Variants in TENM1 observed in about 807,000 individuals in gnomAD.
TENM1 encodes the protein teneurin-1.
A neutral mutation model predicts 174.8 loss-of-function variants in TENM1; 35 were observed. The ratio of observed to expected loss-of-function variants is 0.20; its 90% CI spans 0.15 to 0.27. The LOEUF is 0.27. TENM1 is among the 10% of genes least tolerant of loss of function. The pLI is 1.00. For synonymous variants in TENM1, 781 were observed against 798.7 expected, an observed-to-expected ratio of 0.98 and a Z score of 0.37; for missense variants, 1,633 against 2,130.1, an observed-to-expected ratio of 0.77 and a Z score of 4.59.
the TENM1 span, among the ~76,000 whole-genome samples, chrX:125,147,155 T>G: frequency 1.0e-5 from 1 of 99,753 alleles, no homozygotes; most frequent in Non-Finnish European, 2.2e-5. Context: ...ATATATCACA[T>G]ATATGTGTGT....
chrX:124,726,115 A>T (rs1354855465), intron 4 of TENM1, among the ~76,000 whole-genome samples: 2 of 112,627 alleles, frequency 1.8e-5, no homozygotes, highest in African/African-American at 6.4e-5. Context: ...ACTCATTTTT[A>T]AAAATTCCCT....
At chrX:125,175,758 G>A in the TENM1 span, among the ~76,000 whole-genome samples, 1 of 110,377 alleles carries the variant, frequency 9.1e-6, no homozygotes, top group Non-Finnish European at 1.9e-5. Context: ...AAGGGGAGGC[G>A]AAAAAGGGGT....
In TENM1 at chrX:124,538,670, T is replaced by C. The variant is rs150320291; in HGVS notation, c.2651+8204A>G. On this transcript the variant is annotated intron_variant, in intron 15 of 31. Transcript: ENST00000422452. ...TAGAGGTCTTTAACAAATAGATTCATGAAAAAGCTAAACGCAAGGCATATG... is the reference window on the plus strand; with the variant it reads ...TAGAGGTCTTTAACAAATAGATTCACGAAAAAGCTAAACGCAAGGCATATG... Among the ~76,000 whole-genome samples, 338 of 111,624 alleles carry C rather than the reference T, an allele frequency of 3.0e-3. 1 individual carries two copies. Among genetic ancestry groups the C allele is most frequent in the African/African-American group, 0.01 (316 of 30,773 alleles).
At chrX:124,445,730 T>C (rs1403914349) in intron 23 of TENM1, among the ~76,000 whole-genome samples, 1 of 112,395 alleles carries the variant, frequency 8.9e-6, no homozygotes, top group Non-Finnish European at 1.9e-5. Context: ...GTATCTCCTA[T>C]TGGGCTGACT....
At chrX:124,806,407 T>C (rs931671711) in intron 3 of TENM1, among the ~76,000 whole-genome samples, 22 of 111,978 alleles carry the variant, frequency 2.0e-4, no homozygotes, top group Non-Finnish European at 1.5e-4. Flanking sequence ...AGAGAAATGA[T>C]AGCAGAAAAA....
chrX:124,875,978 T>C (rs762551028), intron 3 of TENM1, among the ~76,000 whole-genome samples: 123 of 109,298 alleles, frequency 1.1e-3, no homozygotes, highest in African/African-American at 3.9e-3. Context: ...TATATATATA[T>C]ACGTTTGTAT....
At chrX:124,594,529 G>C (rs1056612845) in intron 11 of TENM1, among the ~76,000 whole-genome samples, 6 of 111,356 alleles carry the variant, frequency 5.4e-5, no homozygotes, top group Non-Finnish European at 9.4e-5. Context: ...CCAGATTGTG[G>C]ATGGCTGACT....
chrX:124,627,486 A>G (rs2050663583), intron 11 of TENM1, among the ~76,000 whole-genome samples: 1 of 111,736 alleles, frequency 8.9e-6, no homozygotes, highest in Non-Finnish European at 1.9e-5. Context: ...CATCCCCTAA[A>G]AAGGCCAGGC....
chrX:124,727,445 T>C (rs1280179672), intron 4 of TENM1, among the ~76,000 whole-genome samples: 1 of 111,847 alleles, frequency 8.9e-6, no homozygotes, highest in Non-Finnish European at 1.9e-5. Context: ...GGAATTTGAA[T>C]TGGGGGACAG....
chrX:124,782,935 CT>C (rs2054947935), intron 3 of TENM1, among the ~76,000 whole-genome samples: 1 of 111,615 alleles, frequency 9.0e-6, no homozygotes, highest in African/African-American at 3.2e-5. Context: ...ATTTAATTGA[CT>C]TGACTTAAAT....
chrX:125,159,184 G>GA, the TENM1 span, among the ~76,000 whole-genome samples: 1 of 111,915 alleles, frequency 8.9e-6, no homozygotes, highest in Admixed American at 9.5e-5. Context: ...CTAATCACAA[G>GA]AAAAAAGCTG....
intron 28 of TENM1, among the ~76,000 whole-genome samples, chrX:124,390,001 C>T (rs6648599): frequency 0.13 from 14,989 of 111,336 alleles, 831 homozygotes; most frequent in East Asian, 0.29. Context: ...TGGTTTGTCT[C>T]ACTGGTCAGA....
chrX:124,445,613 C>A, intron 23 of TENM1, among the ~76,000 whole-genome samples: 1 of 112,377 alleles, frequency 8.9e-6, no homozygotes, highest in Non-Finnish European at 1.9e-5. Context: ...ACTTATGAAG[C>A]CCTGGCTGTG....
At chrX:124,471,438 A>T (rs62651884) in intron 22 of TENM1, among the ~76,000 whole-genome samples, 2 of 52,999 alleles carry the variant, frequency 3.8e-5, no homozygotes, top group African/African-American at 8.4e-5. Context: ...ATATTATATA[A>T]TATATAGTAC....
At chrX:124,452,603 A>G (rs1336493610) in intron 23 of TENM1, among the ~76,000 whole-genome samples, 8 of 111,273 alleles carry the variant, frequency 7.2e-5, no homozygotes, top group Non-Finnish European at 1.9e-5. Flanking sequence ...CACAATAGCA[A>G]AGACCTGGAA....
intron 4 of TENM1, among the ~76,000 whole-genome samples, chrX:124,726,255 A>G (rs1490676574): frequency 8.9e-6 from 1 of 112,367 alleles, no homozygotes; most frequent in African/African-American, 3.2e-5. Flanking sequence ...CTATGGTTTT[A>G]TTTTGAAATG....
chrX:124,984,562 C>G, the TENM1 span, among the ~76,000 whole-genome samples: 2 of 111,966 alleles, frequency 1.8e-5, no homozygotes, highest in African/African-American at 6.5e-5. Flanking sequence ...CCAGCAATCA[C>G]TGATTTTATG....
At chrX:124,989,768 G>A in the TENM1 span, among the ~76,000 whole-genome samples, 1 of 109,606 alleles carries the variant, frequency 9.1e-6, no homozygotes, top group Non-Finnish European at 1.9e-5. Flanking sequence ...GATGATATAT[G>A]AGACATATGA....
intron 11 of TENM1, among the ~76,000 whole-genome samples, chrX:124,634,834 C>T (rs1245182573): frequency 9.0e-6 from 1 of 111,536 alleles, no homozygotes; most frequent in Admixed American, 9.5e-5. Flanking sequence ...TTATATAAAC[C>T]TCTTACAACC....
Sources: gnomAD v4.1 joint callset for allele counts (sites outside exome capture counted in the v4.1 genomes callset) on GRCh38, gnomAD v4.1.1 for gene constraint, MANE v1.5 for transcripts, NCBI Gene and HGNC (gene_info 2026-07-23, HGNC 2026-07-21) for gene names.